KCNT1: variants seen among roughly 807,000 people sequenced by gnomAD.
The protein encoded by KCNT1 is potassium sodium-activated channel subfamily T member 1.
A neutral mutation model predicts 147.8 loss-of-function variants in KCNT1; 78 were observed. The ratio of observed to expected loss-of-function variants is 0.53; its 90% CI spans 0.44 to 0.64. The LOEUF (loss-of-function observed/expected upper bound fraction) is 0.64. Ranked by LOEUF, KCNT1 falls within the 30% of genes least tolerant of loss-of-function variation. The pLI is 0.00. For missense variants in KCNT1, 1,419 were observed against 1,750.3 expected, an observed-to-expected ratio of 0.81 and a Z score of 3.38; for synonymous variants, 867 against 748.8, an observed-to-expected ratio of 1.16 and a Z score of -2.58.
intron 24 of KCNT1, among the ~76,000 whole-genome samples, chr9:135,781,155 T>C (rs994317143): frequency 2.6e-5 from 4 of 152,188 alleles, no homozygotes; most frequent in Admixed American, 6.5e-5. Context: ...CAGTGAACAG[T>C]CCTGGGCTCC....
In KCNT1 at chr9:135,780,290, G is replaced by A. The variant is rs553656790; in HGVS notation, c.2841+820G>A. The stretch of plus-strand genomic sequence containing the variant: ...GCTCTACACGAACCCCGAGCTCACC[G>A]GTCTGGGCTGAAGTCCTCATCGGCG... On this transcript the variant is annotated intron_variant, in intron 24 of 30. Transcript: ENST00000371757. Among the ~76,000 whole-genome samples the A allele has an allele frequency of 1.5e-4, 23 of 152,324 alleles. No individual in the cohort carries two copies. In the East Asian group the frequency reaches 3.3e-3, roughly 22 times the overall value.
intron 19 of KCNT1, among the ~76,000 whole-genome samples, chr9:135,774,422 GTGTGTTGTGTGGTGTGTC>G (rs1405597605): frequency 1.4e-5 from 2 of 142,912 alleles, no homozygotes; most frequent in Admixed American, 6.9e-5. Context: ...GTGTGTGTCT[GTGTGTTGTGTGGTGTGTC>G]TGTGGTGTGT....
At position 135,779,193 on chromosome 9, in the gene KCNT1, C is replaced by CT. The variant is rs576863101; in HGVS notation, c.2730-166_2730-165insT. On this transcript the variant is annotated intron_variant, in intron 23 of 30. Coordinates refer to ENST00000371757, the MANE Select transcript of KCNT1 (RefSeq NM_020822.3). Reference sequence around the variant, plus strand: ...CTGAGACCCCCCACAGCCGTGGGACCCTGCCCTGAGACCCCCATAGCCAAG... The same window carrying CT: ...CTGAGACCCCCCACAGCCGTGGGACCTCTGCCCTGAGACCCCCATAGCCAAG... 2.5e-3 allele frequency among the ~76,000 whole-genome samples: 354 copies of CT among 142,234 alleles called. 2 individuals carry two copies. Among genetic ancestry groups the CT allele is most frequent in the African/African-American group, 0.01 (337 of 33,554 alleles). 93.3% of individuals were successfully genotyped at this position (142,234 alleles called of 152,430 possible).
chr9:135,784,191 TC>T, intron 25 of KCNT1, 66 bp downstream of exon 25: 1 of 1,241,164 alleles, frequency 8.1e-7, no homozygotes, highest in Non-Finnish European at 1.2e-6. Flanking sequence ...CCTCAGCTCT[TC>T]AGCCTGGTCC....
chr9:135,741,218 C>T lies in KCNT1; in HGVS notation c.255-8880C>T, dbSNP rs141210383. ...GGCAGAGTAGATGGGAGGCCCCATGCGCAGCTCAGTAGACACTCAGCTAGG... is the reference window on the plus strand; with the variant it reads ...GGCAGAGTAGATGGGAGGCCCCATGTGCAGCTCAGTAGACACTCAGCTAGG... On this transcript the variant is annotated intron_variant, in intron 2 of 30. Coordinates refer to ENST00000371757, the MANE Select transcript of KCNT1 (RefSeq NM_020822.3). Among the ~76,000 whole-genome samples the T allele has an allele frequency of 4.6e-3, 696 of 152,312 alleles. 1 individual carries two copies. The highest frequency in any genetic ancestry group is 0.027 in the Middle Eastern group (8 of 294).
chr9:135,710,156 C>T (rs1835429345), intron 1 of KCNT1, among the ~76,000 whole-genome samples: 1 of 152,148 alleles, frequency 6.6e-6, no homozygotes, highest in African/African-American at 2.4e-5. Flanking sequence ...TTTTATAAAT[C>T]TATTCCTCTT....
chr9:135,717,889 G>C (rs1013635968), intron 2 of KCNT1, among the ~76,000 whole-genome samples: 14 of 152,346 alleles, frequency 9.2e-5, no homozygotes, highest in African/African-American at 3.1e-4. Context: ...CCATGGTAGG[G>C]TTGGGTGAGT....
In KCNT1 at chr9:135,755,163, G is replaced by A. The variant is rs144250793; in HGVS notation, c.534G>A (p.Ala178=). 29 of 1,610,978 alleles carry A rather than the reference G, an allele frequency of 1.8e-5. 1 individual carries two copies. The highest frequency in any genetic ancestry group is 8.9e-5 in the East Asian group (4 of 44,746). The change falls in exon 6 of 31, where the codon GCG becomes GCA. Residue 178 remains alanine (A), a synonymous_variant. Coordinates refer to ENST00000371757, the MANE Select transcript of KCNT1 (RefSeq NM_020822.3). Reference sequence around the variant, plus strand: ...TGGAGAGAAAGATGACACTGTGGGCGATCCAGGTGAGTGCCCTACCCTGCC... The same window carrying A: ...TGGAGAGAAAGATGACACTGTGGGCAATCCAGGTGAGTGCCCTACCCTGCC... The part of the protein sequence containing the change: ...LWVERKMTLW[A]IQVIVAIISF...
Position 135,768,635 on chromosome 9 carries a change from A to G in KCNT1, c.1363A>G (p.Ile455Val). ...GATGGACAATGGGGAGGCCTGCTTC[A>G]TCCTCAGCAGCAGGAACGAGGTGGA... The part of the protein sequence containing the change: ...AKMDNGEACF[I>V]LSSRNEVDRT... Residue 455 changes from isoleucine (I) to valine (V), a missense_variant, in exon 14 of 31, where the codon ATC becomes GTC. Transcript: ENST00000371757. The G allele has an allele frequency of 6.4e-7, 1 of 1,550,408 alleles. No individual in the cohort carries two copies. Among genetic ancestry groups the G allele is most frequent in the South Asian group, 1.2e-5 (1 of 84,044 alleles).
intron 1 of KCNT1, among the ~76,000 whole-genome samples, chr9:135,711,944 G>C (rs926681240): frequency 6.6e-6 from 1 of 152,194 alleles, no homozygotes; most frequent in African/African-American, 2.4e-5. Flanking sequence ...TCCTATAAGG[G>C]AACAGGCATC....
intron 19 of KCNT1, among the ~76,000 whole-genome samples, chr9:135,773,836 C>G (rs1832921003): frequency 6.6e-6 from 1 of 152,220 alleles, no homozygotes; most frequent in Admixed American, 6.5e-5. Flanking sequence ...AACAGCCTGG[C>G]TGGACAAGTA....
At chr9:135,726,630 CTGA>C (rs553212001) in intron 2 of KCNT1, among the ~76,000 whole-genome samples, 55 of 152,130 alleles carry the variant, frequency 3.6e-4, no homozygotes, top group African/African-American at 1.2e-3. Context: ...CGCCCCCAAC[CTGA>C]TGATTAGCTA....
chr9:135,714,583 C>T lies in KCNT1; in HGVS notation c.117C>T (p.Pro39=), dbSNP rs1349195051. Residue 39 remains proline (P), a synonymous_variant, in exon 2 of 31, where the codon CCC becomes CCT. Coordinates refer to ENST00000371757, the MANE Select transcript of KCNT1 (RefSeq NM_020822.3). The surrounding 1 kb of genome is among the most constrained non-coding windows in gnomAD (Gnocchi z 6.2). ...FDDGQCAPRR[P]CAGDGALLDT... ...CGCTGGCGTGTGCCCGCAGGCGGCCCTGCGCGGGGGACGGCGCGCTCCTGG... is the reference window on the plus strand; with the variant it reads ...CGCTGGCGTGTGCCCGCAGGCGGCCTTGCGCGGGGGACGGCGCGCTCCTGG... 2 of 1,360,650 alleles carry T rather than the reference C, an allele frequency of 1.5e-6. No homozygotes were observed. The highest frequency in any genetic ancestry group is 2.9e-5 in the South Asian group (2 of 68,528). The allele number at this position is 1,360,650 out of a possible 1,614,324, so 84.3% of individuals were successfully genotyped here. A position where few individuals can be genotyped will look rare whatever the true frequency, so the allele number is the denominator to read the frequency against.
intron 24 of KCNT1, among the ~76,000 whole-genome samples, chr9:135,781,639 T>A (rs1179087623): frequency 6.3e-5 from 9 of 143,906 alleles, no homozygotes; most frequent in African/African-American, 5.2e-5. Flanking sequence ...ATACTGAAAG[T>A]AAAAAAAAAA....
At chr9:135,788,278 C>T (rs1258616524) in intron 29 of KCNT1, 34 of 876,662 alleles carry the variant, frequency 3.9e-5, no homozygotes, top group Non-Finnish European at 5.7e-5. Flanking sequence ...TGTGAGAGCA[C>T]GTCCCAGGTG....
chr9:135,791,870 C>T lies in KCNT1; in HGVS notation c.3576C>T (p.Pro1192=). The part of the protein sequence containing the change: ...INPPPDTRLE[P]SDIVYLIRSD... ...CTCCGCCCGACACGAGGCTGGAGCC[C>T]AGTGACATTGTGTGAGTAGCACCTG... is the stretch of plus-strand genomic sequence containing the variant. Residue 1192 remains proline (P), a synonymous_variant, in exon 30 of 31, where the codon CCC becomes CCT. Coordinates refer to ENST00000371757, the MANE Select transcript of KCNT1 (RefSeq NM_020822.3). The T allele has an allele frequency of 1.9e-6, 3 of 1,613,898 alleles. No homozygotes were observed. Among genetic ancestry groups the T allele is most frequent in the Non-Finnish European group, 2.5e-6 (3 of 1,179,938 alleles).
chr9:135,703,432 A>G (rs1049820556), intron 1 of KCNT1, among the ~76,000 whole-genome samples: 19 of 152,222 alleles, frequency 1.2e-4, no homozygotes, highest in African/African-American at 3.9e-4. Flanking sequence ...GTGAGGGACC[A>G]GGCTGGAGAG....
At chr9:135,769,461 C>A (rs1055619058) in intron 15 of KCNT1, among the ~76,000 whole-genome samples, 2 of 152,162 alleles carry the variant, frequency 1.3e-5, no homozygotes, top group Non-Finnish European at 2.9e-5. Flanking sequence ...TCACCGCATC[C>A]GAGAAGGGAC....
At chr9:135,757,012 C>A in intron 7 of KCNT1, 80 bp downstream of exon 7, 1 of 1,159,374 alleles carries the variant, frequency 8.6e-7, no homozygotes, top group Non-Finnish European at 1.2e-6. Flanking sequence ...CCTCCCCCAC[C>A]CTCTCCTATT....
Sources: gnomAD v4.1 joint callset for allele counts (sites outside exome capture counted in the v4.1 genomes callset) on GRCh38, gnomAD v4.1.1 for gene constraint, Gnocchi (gnomAD v3.1) non-coding constraint, MANE v1.5 for transcripts, NCBI Gene and HGNC (gene_info 2026-07-23, HGNC 2026-07-21) for gene names.